ASIC2: variants seen among roughly 807,000 people sequenced by gnomAD.
ASIC2 encodes the protein acid sensing ion channel subunit 2, also known as acid-sensing ion channel 2.
In ASIC2, 25 loss-of-function variants were observed where a neutral mutation model predicts 57.3. That is an observed-to-expected ratio of 0.44 (90% CI 0.32 to 0.61). The LOEUF (loss-of-function observed/expected upper bound fraction) is 0.61, where lower values mean the gene tolerates loss of function less well. ASIC2 is among the 20% of genes least tolerant of loss of function. The probability of loss-of-function intolerance (pLI) is 0.06; values close to 1 mark genes in which losing one functional copy is unlikely to be tolerated. For synonymous variants in ASIC2, 319 were observed against 307.5 expected, an observed-to-expected ratio of 1.04 and a Z score of -0.39; for missense variants, 641 against 738.1, an observed-to-expected ratio of 0.87 and a Z score of 1.52.
chr17:34,040,692 A>C (rs1908098467), intron 1 of ASIC2, among the ~76,000 whole-genome samples: 1 of 152,056 alleles, frequency 6.6e-6, no homozygotes, highest in African/African-American at 2.4e-5. Context: ...TGGGCCTGGA[A>C]CTGCTTCAAG....
chr17:33,392,302 C>G (rs1909930714), intron 1 of ASIC2, among the ~76,000 whole-genome samples: 1 of 150,588 alleles, frequency 6.6e-6, no homozygotes, highest in Admixed American at 6.6e-5. Context: ...GCTCTGTTAC[C>G]CAGGCTGGAG....
chr17:33,770,330 G>C (rs911542939), intron 1 of ASIC2, among the ~76,000 whole-genome samples: 5 of 152,234 alleles, frequency 3.3e-5, no homozygotes, highest in African/African-American at 1.2e-4. Context: ...GTCTTCCTCT[G>C]TAAAGCGAAA....
chr17:34,123,571 T>C (rs1168964296), intron 1 of ASIC2, among the ~76,000 whole-genome samples: 2 of 152,152 alleles, frequency 1.3e-5, no homozygotes, highest in Non-Finnish European at 2.9e-5. Context: ...AATGACTGCA[T>C]AGGTGGTGTA....
rs1232074991 is a variant in ASIC2, at chr17:33,630,351, T to C, written c.556-518284A>G. Among the ~76,000 whole-genome samples, 4 of 152,204 alleles carry C rather than the reference T, an allele frequency of 2.6e-5. No individual in the cohort carries two copies. In the East Asian group the frequency reaches 7.7e-4, roughly 29 times the overall value. On this transcript the variant is annotated intron_variant, in intron 1 of 9. Transcript: ENST00000359872. ...TTTTCTCTGAGTGCCCCTCTGCTCC[T>C]GTCTGTGCAGTGACCACCTACTCAG... is the stretch of plus-strand genomic sequence containing the variant.
At chr17:33,720,756 T>C (rs973316134) in intron 1 of ASIC2, among the ~76,000 whole-genome samples, 2 of 152,200 alleles carry the variant, frequency 1.3e-5, no homozygotes, top group African/African-American at 4.8e-5. Context: ...ACAGAAATAA[T>C]GCTTGTGACT....
intron 1 of ASIC2, among the ~76,000 whole-genome samples, chr17:34,094,548 A>G (rs1266709394): frequency 6.6e-6 from 1 of 152,226 alleles, no homozygotes; most frequent in Non-Finnish European, 1.5e-5. Flanking sequence ...ACAGTTACAC[A>G]GTTAGTGAGG....
chr17:34,125,214 C>T lies in ASIC2; in HGVS notation c.555+30764G>A, dbSNP rs116661104. On this transcript the variant is annotated intron_variant, in intron 1 of 9. Transcript: ENST00000359872. ...CACTGTATGCCCAGTGTCTGCCCCC[C>T]GCTTCACAGGCCAGCATCCGCTGAA... is the stretch of plus-strand genomic sequence containing the variant. 3.2e-4 allele frequency among the ~76,000 whole-genome samples: 49 copies of T among 152,126 alleles called. No individual in the cohort carries two copies. The East Asian group carries it at 6.4e-3, about 20-fold the overall frequency.
chr17:33,902,187 G>A (rs1032070647), intron 1 of ASIC2, among the ~76,000 whole-genome samples: 1 of 152,102 alleles, frequency 6.6e-6, no homozygotes, highest in East Asian at 1.9e-4. Context: ...TGTGACTCAG[G>A]ATTGAGAATT....
chr17:33,379,054 T>A (rs1909382278), intron 1 of ASIC2, among the ~76,000 whole-genome samples: 2 of 152,200 alleles, frequency 1.3e-5, no homozygotes, highest in African/African-American at 4.8e-5. Flanking sequence ...GTATTAGCAT[T>A]TAAGGGTTAT....
rs149302378 is a variant in ASIC2, at chr17:33,610,563, A to G, written c.556-498496T>C. The stretch of plus-strand genomic sequence containing the variant: ...ATAACAAAAGGCATAAAGAAAGGAC[A>G]GGACGCAATTGGAAGGTACACCATA... On this transcript the variant is annotated intron_variant, in intron 1 of 9. Transcript: ENST00000359872. 5.9e-3 allele frequency among the ~76,000 whole-genome samples: 893 copies of G among 152,188 alleles called. 13 individuals carry two copies. Among genetic ancestry groups the G allele is most frequent in the African/African-American group, 0.02 (810 of 41,514 alleles).
At chr17:33,647,445 A>G (rs1343505023) in intron 1 of ASIC2, among the ~76,000 whole-genome samples, 2 of 152,138 alleles carry the variant, frequency 1.3e-5, no homozygotes, top group Non-Finnish European at 1.5e-5. Context: ...ACCACACCCC[A>G]AGACGCAGGA....
chr17:33,423,270 T>C (rs1284337487), intron 1 of ASIC2, among the ~76,000 whole-genome samples: 1 of 152,184 alleles, frequency 6.6e-6, no homozygotes, highest in East Asian at 1.9e-4. Flanking sequence ...AACATGCAAC[T>C]AGAATTGAGA....
chr17:33,094,397 G>A (rs2092169711), intron 2 of ASIC2, among the ~76,000 whole-genome samples: 1 of 152,100 alleles, frequency 6.6e-6, no homozygotes, highest in Non-Finnish European at 1.5e-5. Context: ...TTTCCGAGGG[G>A]GTGGTAACGG....
At chr17:33,958,544 G>A (rs1567769014) in intron 1 of ASIC2, among the ~76,000 whole-genome samples, 1 of 152,158 alleles carries the variant, frequency 6.6e-6, no homozygotes, top group African/African-American at 2.4e-5. Flanking sequence ...CTGAAGCAAT[G>A]GCCTGAGCTG....
chr17:34,012,041 T>A (rs879295393), intron 1 of ASIC2, among the ~76,000 whole-genome samples: 2 of 152,086 alleles, frequency 1.3e-5, no homozygotes, highest in Admixed American at 1.3e-4. Context: ...TGCCACCACC[T>A]CCCTCCTTCC....
At chr17:33,495,129 C>T (rs1330264304) in intron 1 of ASIC2, among the ~76,000 whole-genome samples, 1 of 152,186 alleles carries the variant, frequency 6.6e-6, no homozygotes, top group African/African-American at 2.4e-5. Context: ...TTTAGGGAGG[C>T]ATCTGCTATC....
chr17:33,701,626 C>T (rs1043702826), intron 1 of ASIC2, among the ~76,000 whole-genome samples: 7 of 152,192 alleles, frequency 4.6e-5, no homozygotes, highest in Non-Finnish European at 1.0e-4. Context: ...CACCTTGACA[C>T]AGTACAGACT....
intron 1 of ASIC2, among the ~76,000 whole-genome samples, chr17:33,667,548 C>A (rs968807918): frequency 1.3e-5 from 2 of 152,244 alleles, no homozygotes; most frequent in South Asian, 4.2e-4. Flanking sequence ...TACAGAGGGG[C>A]GTGGGCTTCC....
intron 1 of ASIC2, among the ~76,000 whole-genome samples, chr17:34,090,310 C>G (rs1265474341): frequency 1.3e-5 from 2 of 152,184 alleles, no homozygotes; most frequent in Admixed American, 1.3e-4. Context: ...AGTTGAGAAG[C>G]ACAGTGCCTA....
Sources: allele counts gnomAD v4.1 joint callset (sites outside exome capture counted in the v4.1 genomes callset), GRCh38; gene constraint gnomAD v4.1.1; transcripts MANE v1.5; gene names NCBI Gene and HGNC (gene_info 2026-07-23, HGNC 2026-07-21).